AXL: variants seen among roughly 807,000 people sequenced by gnomAD.
AXL encodes the protein tyrosine-protein kinase receptor UFO.
Under a neutral mutation model 104.5 loss-of-function variants are expected in AXL, and 52 were observed. The ratio of observed to expected loss-of-function variants is 0.50; its 90% CI spans 0.40 to 0.63. The LOEUF is 0.63. Among genes scored for constraint, AXL ranks in the 20% least tolerant of loss-of-function variants. The pLI is 0.00. For synonymous variants in AXL, 455 were observed against 473.7 expected (o/e 0.96, Z 0.51); for missense variants, 1,024 against 1,188.5 (o/e 0.86, Z 2.04).
At chr19:41,231,417 C>A in intron 6 of AXL, 119 bp downstream of exon 6, 1 of 937,084 alleles carries the variant, frequency 1.1e-6, no homozygotes, top group Non-Finnish European at 1.6e-6. Context: ...GCAGTAGAGC[C>A]TGGGGGGTTA....
intron 12 of AXL, among the ~76,000 whole-genome samples, chr19:41,245,144 T>C (rs2034250265): frequency 6.6e-6 from 1 of 150,966 alleles, no homozygotes; most frequent in South Asian, 2.1e-4. Context: ...TTGGCCAGGC[T>C]GGTCTCGACC....
At chr19:41,220,993 G>A (rs1370053179) in intron 2 of AXL, 135 bp downstream of exon 2, 23 of 1,230,116 alleles carry the variant, frequency 1.9e-5, no homozygotes, top group Middle Eastern at 3.9e-4. Flanking sequence ...TCTAGGTTTC[G>A]TTTTCCTCTT....
rs183807314 is a variant in AXL at position 41,261,575 on chromosome 19, A to G, written c.*1671A>G. 51 of 152,442 alleles carry G rather than the reference A, an allele frequency of 3.3e-4. 1 individual carries two copies. The highest frequency in any genetic ancestry group is 1.1e-3 in the African/African-American group (44 of 41,486). The allele number at this position is 152,442 out of a possible 1,614,324, so 9.4% of individuals were successfully genotyped here. On this transcript the variant is annotated 3_prime_UTR_variant, in exon 20 of 20. Coordinates refer to ENST00000301178, the MANE Select transcript of AXL (RefSeq NM_021913.5). ...AGCTATCATTGCTTCCTCCTCCCCAACTGTGGGGGTGTGCCCCCTTCAAGC... is the reference window on the plus strand; with the variant it reads ...AGCTATCATTGCTTCCTCCTCCCCAGCTGTGGGGGTGTGCCCCCTTCAAGC...
intron 4 of AXL, chr19:41,226,694 A>G (rs2033887941): frequency 2.1e-6 from 2 of 959,802 alleles, no homozygotes; most frequent in Non-Finnish European, 2.5e-6. Context: ...CGTACACACC[A>G]TCCACAGATA....
chr19:41,255,370 C>G (rs938847053), intron 17 of AXL, among the ~76,000 whole-genome samples: 8 of 145,168 alleles, frequency 5.5e-5, no homozygotes, highest in African/African-American at 1.5e-4. Context: ...CTTTCTCTTT[C>G]TCTCTCTTTA....
chr19:41,253,293 C>T (rs1162927244), intron 16 of AXL, among the ~76,000 whole-genome samples: 1 of 151,918 alleles, frequency 6.6e-6, no homozygotes, highest in African/African-American at 2.4e-5. Context: ...GGGCAGGAAG[C>T]GACCCCAACA....
At position 41,256,534 on chromosome 19, in the gene AXL, C is replaced by T. The variant is rs371618406; in HGVS notation, c.2119C>T (p.Arg707Cys). Residue 707 changes from arginine to cysteine, a missense_variant, in exon 18 of 20, where the codon CGT becomes TGT. Arg to Cys is a radical substitution (Grantham distance 180). Transcript: ENST00000301178. ...CAATGGGGACTACTACCGCCAGGGA[C>T]GTATCGCCAAGATGCCAGTCAAGTG... The part of the protein sequence containing the change: ...IYNGDYYRQG[R>C]IAKMPVKWIA... 1.8e-5 allele frequency: 29 copies of T among 1,614,094 alleles called. No individual in the cohort carries two copies. Among genetic ancestry groups the T allele is most frequent in the Middle Eastern group, 1.6e-4 (1 of 6,084 alleles).
chr19:41,221,172 C>T lies in AXL; in HGVS notation c.335C>T (p.Thr112Met), dbSNP rs35202236. 449 of 1,614,056 alleles carry T rather than the reference C, an allele frequency of 2.8e-4. No homozygotes were observed. Among genetic ancestry groups the T allele is most frequent in the East Asian group, 5.1e-4 (23 of 44,872 alleles). Residue 112 changes from threonine to methionine, a missense_variant, in exon 3 of 20, where the codon ACG becomes ATG. Thr to Met is a moderately conservative substitution (Grantham distance 81). This residue lies in a region of AXL where 41 missense variants were observed against 76.2 expected (regional missense o/e 0.54). Coordinates refer to ENST00000301178, the MANE Select transcript of AXL (RefSeq NM_021913.5). ...ATCACCTCCCTGCAGCTTTCCGACA[C>T]GGGACAGTACCAGTGTTTGGTGTTT... ...LRITSLQLSDTGQYQCLVFLG... is the reference protein window; with the variant it reads ...LRITSLQLSDMGQYQCLVFLG...
Position 41,260,066 on chromosome 19 carries a change from G to T in AXL, c.*162G>T. ...CCCAGACAGGTCCCTCCCCTTCTCT[G>T]TGCAGTAGCATCACCTTGAAAGCAG... On this transcript the variant is annotated 3_prime_UTR_variant, in exon 20 of 20. Transcript: ENST00000301178. 1 of 611,506 alleles carries T rather than the reference G, an allele frequency of 1.6e-6. No homozygotes were observed. The highest frequency in any genetic ancestry group is 2.3e-5 in the South Asian group (1 of 44,236). The allele number at this position is 611,506 out of a possible 1,614,324, so 37.9% of individuals were successfully genotyped here.
intron 16 of AXL, 61 bp from the exon 17 acceptor site, chr19:41,253,538 G>A: frequency 8.1e-7 from 1 of 1,228,692 alleles, no homozygotes; most frequent in South Asian, 1.3e-5. Flanking sequence ...AGGGATGGAG[G>A]GAGGAGGGAT....
Position 41,253,671 on chromosome 19 carries a change from A to C in AXL, c.1999A>C (p.Arg667=). The C allele has an allele frequency of 6.2e-7, 1 of 1,612,808 alleles. No homozygotes were observed. Among genetic ancestry groups the C allele is most frequent in the Non-Finnish European group, 8.5e-7 (1 of 1,179,744 alleles). The change falls in exon 17 of 20, where the codon AGA becomes CGA. Residue 667 remains arginine, a synonymous_variant. Coordinates refer to ENST00000301178, the MANE Select transcript of AXL (RefSeq NM_021913.5). ...TGGCATGGAGTATCTGAGTACCAAG[A>C]GATTCATACACCGGGACCTGGCGGC... ...ASGMEYLSTK[R]FIHRDLAARN... is the part of the protein sequence containing the mutation.
At chr19:41,239,609 C>T (rs1470283788) in intron 9 of AXL, 85 bp from the exon 10 acceptor site, 37 of 1,547,208 alleles carry the variant, frequency 2.4e-5, no homozygotes, top group South Asian at 5.6e-5. Context: ...CTCCCTTACC[C>T]GTGCCACACC....
chr19:41,259,475 T>A, intron 19 of AXL, 78 bp from the exon 20 acceptor site: 1 of 1,334,154 alleles, frequency 7.5e-7, no homozygotes. Flanking sequence ...CTGAGTGTCC[T>A]AAAATGTCCC....
At chr19:41,258,581 A>T (rs2034489136) in intron 19 of AXL, among the ~76,000 whole-genome samples, 1 of 151,872 alleles carries the variant, frequency 6.6e-6, no homozygotes, top group Admixed American at 6.6e-5. Flanking sequence ...TGCCCAGCTA[A>T]TTTTTTTTGT....
rs780154999 is a variant in AXL, at chr19:41,252,878, T to C, written c.1837T>C (p.Phe613Leu). 28 of 1,614,076 alleles carry C rather than the reference T, an allele frequency of 1.7e-5. No individual in the cohort carries two copies. The highest frequency in any genetic ancestry group is 2.1e-5 in the Non-Finnish European group (25 of 1,180,016). ...VCFQGSERES[F>L]PAPVVILPFM... ...TTTCCAGGGTTCTGAACGAGAGAGCTTCCCAGCACCTGTGGTCATCTTACC... is the reference window on the plus strand; with the variant it reads ...TTTCCAGGGTTCTGAACGAGAGAGCCTCCCAGCACCTGTGGTCATCTTACC... Residue 613 changes from phenylalanine (F) to leucine (L), a missense_variant, in exon 16 of 20, where the codon TTC becomes CTC. Physicochemically the swap from Phe to Leu is conservative, Grantham distance 22 (BLOSUM62 0). Transcript: ENST00000301178.
At chr19:41,244,207 A>G (rs990613847) in intron 12 of AXL, among the ~76,000 whole-genome samples, 5 of 152,140 alleles carry the variant, frequency 3.3e-5, no homozygotes, top group African/African-American at 1.2e-4. Context: ...CCTGTCTCAA[A>G]AAAGAAAAAA....
intron 8 of AXL, 60 bp from the exon 9 acceptor site, chr19:41,239,104 G>T: frequency 1.3e-6 from 2 of 1,597,144 alleles, no homozygotes; most frequent in Non-Finnish European, 1.7e-6. Context: ...GAGCCCGAGA[G>T]TGAAGGCTTA....
In AXL at chr19:41,260,298, C is replaced by CTT. The variant is rs869213717; in HGVS notation, c.*424_*425dup. On this transcript the variant is annotated 3_prime_UTR_variant, in exon 20 of 20. Transcript: ENST00000301178. ...TAAAGTGCTAAGGTTCTAAGGCCTA[C>CTT]TTTTTTTTTTTTTTTTTTTTTTTTT... 1,060 of 48,600 alleles carry CTT rather than the reference C, an allele frequency of 0.022. 329 individuals carry two copies. Among genetic ancestry groups the CTT allele is most frequent in the Non-Finnish European group, 0.031 (837 of 26,760 alleles). 3.0% of individuals were successfully genotyped at this position (48,600 alleles called of 1,614,324 possible). A position where few individuals can be genotyped will look rare whatever the true frequency, so the allele number is the denominator to read the frequency against.
intron 12 of AXL, among the ~76,000 whole-genome samples, chr19:41,246,892 T>A (rs768467620): frequency 2.6e-5 from 4 of 152,132 alleles, no homozygotes; most frequent in Non-Finnish European, 5.9e-5. Flanking sequence ...GATATATATG[T>A]AACATAAACA....
Sources: allele counts gnomAD v4.1 joint callset (sites outside exome capture counted in the v4.1 genomes callset), GRCh38; gene constraint gnomAD v4.1.1; regional missense constraint gnomAD v4.1.1; transcripts MANE v1.5; gene names NCBI Gene and HGNC (gene_info 2026-07-23, HGNC 2026-07-21).